The following RAB27B variants were observed in gnomAD, a reference collection of about 807,000 sequenced individuals.
RAB27B encodes the protein RAB27B, member RAS oncogene family, also known as ras-related protein Rab-27B.
In RAB27B, 15 loss-of-function variants were observed where a neutral mutation model predicts 24.6. That is an observed-to-expected ratio of 0.61 (90% CI 0.41 to 0.94). The LOEUF (loss-of-function observed/expected upper bound fraction) is 0.94. Among genes scored for constraint, RAB27B ranks in the 40% least tolerant of loss-of-function variants. RAB27B has a pLI of 0.00. For synonymous variants in RAB27B, 105 were observed against 92.5 expected (o/e 1.14, Z -0.78); for missense variants, 261 against 266.8 (o/e 0.98, Z 0.15).
chr18:54,758,939 T>A (rs971061000), intron 2 of RAB27B, among the ~76,000 whole-genome samples: 2 of 152,226 alleles, frequency 1.3e-5, no homozygotes, highest in African/African-American at 4.8e-5. Context: ...CAAACGTCTC[T>A]CTATAGCTCT....
intron 1 of RAB27B, among the ~76,000 whole-genome samples, chr18:54,832,738 G>GT (rs1910734200): frequency 1.3e-5 from 2 of 152,084 alleles, no homozygotes; most frequent in South Asian, 2.1e-4. Flanking sequence ...AAGCCAGGAT[G>GT]TTTTTTTAGG....
intron 2 of RAB27B, among the ~76,000 whole-genome samples, chr18:54,807,959 T>G (rs2145143660): frequency 6.6e-6 from 1 of 152,328 alleles, no homozygotes; most frequent in East Asian, 1.9e-4. Context: ...GATCTTGTTG[T>G]CTCCAGTCTG....
intron 2 of RAB27B, among the ~76,000 whole-genome samples, chr18:54,753,107 G>T (rs564666211): frequency 2.2e-4 from 33 of 152,278 alleles, no homozygotes; most frequent in Middle Eastern, 3.4e-3. Context: ...GTGTCACCTT[G>T]GAAGAGCCAT....
rs765228023 is a variant in RAB27B, at chr18:54,845,265, G to T, written c.-20+16565G>T. Among the ~76,000 whole-genome samples, 3 of 151,872 alleles carry T rather than the reference G, an allele frequency of 2.0e-5. No individual in the cohort carries two copies. In the South Asian group the frequency reaches 6.3e-4, roughly 32 times the overall value. ...CTACTAAAAATACAAAAATTACCCC[G>T]GTGTGGTGGCTAATGCCTGTAATCC... On this transcript the variant is annotated intron_variant, in intron 1 of 5. Coordinates refer to ENST00000262094, the MANE Select transcript of RAB27B (RefSeq NM_004163.4).
intron 1 of RAB27B, among the ~76,000 whole-genome samples, chr18:54,847,838 T>A (rs905804606): frequency 8.4e-6 from 1 of 119,160 alleles, no homozygotes; most frequent in African/African-American, 2.6e-5. Flanking sequence ...TGGGACTCGT[T>A]TAAAAAAAGA....
At chr18:54,800,722 C>T (rs1298683333) in intron 2 of RAB27B, among the ~76,000 whole-genome samples, 3 of 152,136 alleles carry the variant, frequency 2.0e-5, no homozygotes, top group Non-Finnish European at 4.4e-5. Context: ...TCTAATCTCA[C>T]CAAGAATATG....
chr18:54,772,329 G>C (rs1218749030), intron 2 of RAB27B, among the ~76,000 whole-genome samples: 1 of 152,160 alleles, frequency 6.6e-6, no homozygotes, highest in Non-Finnish European at 1.5e-5. Flanking sequence ...TGGACCCAGG[G>C]GGTGACTAAC....
rs1293709493 is a variant in RAB27B, at chr18:54,891,277, A to G, written c.*1864A>G. On this transcript the variant is annotated 3_prime_UTR_variant, in exon 6 of 6. Transcript: ENST00000262094. ...ATGAATCAAAATATTAATAATTTGA[A>G]AGCTTTCATGCTGTTAGCCCCTGAT... 6.6e-6 allele frequency: 1 copy of G among 151,096 alleles called. No individual in the cohort carries two copies. Among genetic ancestry groups the G allele is most frequent in the African/African-American group, 2.5e-5 (1 of 40,464 alleles). The allele number at this position is 151,096 out of a possible 1,614,324, so 9.4% of individuals were successfully genotyped here.
intron 1 of RAB27B, among the ~76,000 whole-genome samples, chr18:54,845,274 G>A (rs1911284831): frequency 6.6e-6 from 1 of 151,972 alleles, no homozygotes. Context: ...CGGTGTGGTG[G>A]CTAATGCCTG....
upstream of RAB27B, among the ~76,000 whole-genome samples, chr18:54,824,246 G>A (rs9959341): frequency 1.9e-3 from 288 of 151,992 alleles, 1 homozygote; most frequent in African/African-American, 6.7e-3. Flanking sequence ...CTTTTTTCTT[G>A]CAACTTTTTG....
chr18:54,789,407 C>G (rs1909183175), intron 2 of RAB27B, among the ~76,000 whole-genome samples: 2 of 151,846 alleles, frequency 1.3e-5, no homozygotes, highest in Admixed American at 6.6e-5. Context: ...TTTTTAAATA[C>G]TAGGTAAACA....
At chr18:54,807,389 C>G (rs531042926) in intron 2 of RAB27B, among the ~76,000 whole-genome samples, 11 of 152,176 alleles carry the variant, frequency 7.2e-5, no homozygotes, top group Non-Finnish European at 1.6e-4. Flanking sequence ...GAGGGTTCAG[C>G]TTTTAGCAGT....
chr18:54,877,823 G>A (rs1441989880), intron 2 of RAB27B, 85 bp downstream of exon 2: 3 of 1,375,748 alleles, frequency 2.2e-6, no homozygotes, highest in Non-Finnish European at 1.9e-6. Flanking sequence ...TTGCATTGGA[G>A]TCTGTCTTTT....
intron 1 of RAB27B, among the ~76,000 whole-genome samples, chr18:54,833,666 T>C (rs577004477): frequency 6.6e-6 from 1 of 152,310 alleles, no homozygotes; most frequent in Admixed American, 6.5e-5. Context: ...GAAAGACTAA[T>C]GGCAGAAGTT....
chr18:54,845,609 AC>A (rs1044502454), intron 1 of RAB27B, among the ~76,000 whole-genome samples: 1 of 151,076 alleles, frequency 6.6e-6, no homozygotes, highest in South Asian at 2.1e-4. Flanking sequence ...CGCTGGTTGG[AC>A]CCCCTGACTG....
At chr18:54,888,300 C>T (rs1000059189) in intron 5 of RAB27B, 182 bp downstream of exon 5, 9 of 591,440 alleles carry the variant, frequency 1.5e-5, no homozygotes, top group East Asian at 1.3e-4. Flanking sequence ...GAGCACCTAA[C>T]ATTTACTGTA....
Position 54,890,977 on chromosome 18 carries a change from A to G in RAB27B, c.*1564A>G, listed in dbSNP as rs1913342888. 3 of 69,716 alleles carry G rather than the reference A, an allele frequency of 4.3e-5. No individual in the cohort carries two copies. Among genetic ancestry groups the G allele is most frequent in the African/African-American group, 1.5e-4 (3 of 20,368 alleles). 4.3% of individuals were successfully genotyped at this position (69,716 alleles called of 1,614,324 possible). On this transcript the variant is annotated 3_prime_UTR_variant, in exon 6 of 6. Coordinates refer to ENST00000262094, the MANE Select transcript of RAB27B (RefSeq NM_004163.4). ...TCAATTTTACCAAATAACAAAGACA[A>G]TATATTTTCGTTTTTTTTTATTATG...
At chr18:54,810,449 T>TA (rs1176204196) in intron 2 of RAB27B, among the ~76,000 whole-genome samples, 12 of 152,132 alleles carry the variant, frequency 7.9e-5, no homozygotes, top group Admixed American at 7.2e-4. Flanking sequence ...ATTGTGAACT[T>TA]GTCTGAGTTA....
intron 2 of RAB27B, among the ~76,000 whole-genome samples, chr18:54,789,647 T>A (rs1407370612): frequency 6.6e-6 from 1 of 152,116 alleles, no homozygotes; most frequent in Non-Finnish European, 1.5e-5. Flanking sequence ...TGCAAATGAC[T>A]ACTGTTAGGA....
Sources: allele counts gnomAD v4.1 joint callset (sites outside exome capture counted in the v4.1 genomes callset), GRCh38; gene constraint gnomAD v4.1.1; transcripts MANE v1.5; gene names NCBI Gene and HGNC (gene_info 2026-07-23, HGNC 2026-07-21).